SAMD5: variants seen among roughly 807,000 people sequenced by gnomAD.
SAMD5 encodes the protein sterile alpha motif domain containing 5.
Under a neutral mutation model 11.3 loss-of-function variants are expected in SAMD5, and 13 were observed. The ratio of observed to expected loss-of-function variants is 1.15; its 90% CI spans 0.75 to 1.83. The LOEUF is 1.83. Among genes scored for constraint, SAMD5 ranks in the 40% most tolerant of loss-of-function variants. The pLI, the probability that SAMD5 is intolerant of heterozygous loss-of-function variation, is 0.00. For missense variants in SAMD5, 255 were observed against 239.1 expected (o/e 1.07, Z -0.44); for synonymous variants, 129 against 111.3 (o/e 1.16, Z -1.00).
chr6:147,537,523 C>T (rs1238250132), intron 1 of SAMD5, among the ~76,000 whole-genome samples: 7 of 151,960 alleles, frequency 4.6e-5, no homozygotes, highest in Non-Finnish European at 8.8e-5. Context: ...GAGGCCGAGG[C>T]GGGCGGAACA....
chr6:147,728,936 G>A (rs1791668058), intron 1 of SAMD5, among the ~76,000 whole-genome samples: 1 of 152,184 alleles, frequency 6.6e-6, no homozygotes, highest in Admixed American at 6.5e-5. Flanking sequence ...AAATGATTGT[G>A]CAAGGCTGTA....
At chr6:147,899,890 T>C in the SAMD5 span, among the ~76,000 whole-genome samples, 1 of 152,158 alleles carries the variant, frequency 6.6e-6, no homozygotes, top group Non-Finnish European at 1.5e-5. Context: ...CTGGGCCCCT[T>C]CCCTGGTAGA....
chr6:147,872,683 A>G, the SAMD5 span, among the ~76,000 whole-genome samples: 1 of 152,158 alleles, frequency 6.6e-6, no homozygotes, highest in Non-Finnish European at 1.5e-5. Context: ...GTGCTCATGG[A>G]CTTGCCCACT....
chr6:147,740,998 T>C (rs1349796592), downstream of SAMD5, among the ~76,000 whole-genome samples: 1 of 152,192 alleles, frequency 6.6e-6, no homozygotes, highest in Non-Finnish European at 1.5e-5. Context: ...GTGTGCTGTT[T>C]AATTTTTAAA....
At chr6:147,862,260 G>A in the SAMD5 span, among the ~76,000 whole-genome samples, 1 of 152,078 alleles carries the variant, frequency 6.6e-6, no homozygotes, top group African/African-American at 2.4e-5. Flanking sequence ...TCGAGAGTAT[G>A]TTTCTAATGC....
chr6:147,819,901 T>C, the SAMD5 span, among the ~76,000 whole-genome samples: 5 of 152,144 alleles, frequency 3.3e-5, no homozygotes, highest in African/African-American at 1.2e-4. Context: ...ATAATTCCCA[T>C]AGTCGTGGTG....
the SAMD5 span, among the ~76,000 whole-genome samples, chr6:147,949,494 T>C: frequency 2.0e-5 from 3 of 152,244 alleles, no homozygotes; most frequent in African/African-American, 4.8e-5. Context: ...GAAAACACTT[T>C]ATTTGGGATA....
At chr6:147,531,337 T>A (rs1348094242) in intron 1 of SAMD5, among the ~76,000 whole-genome samples, 5 of 152,214 alleles carry the variant, frequency 3.3e-5, no homozygotes, top group African/African-American at 1.2e-4. Flanking sequence ...TTATGTAAAT[T>A]GTAGAACTGA....
At chr6:147,757,160 C>T in the SAMD5 span, among the ~76,000 whole-genome samples, 1 of 152,124 alleles carries the variant, frequency 6.6e-6, no homozygotes, top group South Asian at 2.1e-4. Context: ...ACAAGTTATT[C>T]AAGAAGAAAA....
rs370692962 is a variant in SAMD5 at position 147,533,410 on chromosome 6, C to T, written c.459+24023C>T. Among the ~76,000 whole-genome samples, 68 of 144,410 alleles carry T rather than the reference C, an allele frequency of 4.7e-4. 1 individual carries two copies. Among genetic ancestry groups the T allele is most frequent in the African/African-American group, 1.6e-3 (62 of 38,840 alleles). 94.7% of individuals were successfully genotyped at this position (144,410 alleles called of 152,430 possible). A position where few individuals can be genotyped will look rare whatever the true frequency, so the allele number is the denominator to read the frequency against. On this transcript the variant is annotated intron_variant, in intron 1 of 1. Transcript: ENST00000367474. ...CCGGGAGGTGGAGGTTGCTGTAAGC[C>T]GAGATCGCGCCATTGCACTCCAGCC...
chr6:147,712,858 G>A (rs1331909232), intron 1 of SAMD5, among the ~76,000 whole-genome samples: 4 of 151,150 alleles, frequency 2.6e-5, no homozygotes, highest in Non-Finnish European at 4.4e-5. Flanking sequence ...ATGATATTTT[G>A]TTATAGCAGA....
At chr6:147,748,138 A>G in the SAMD5 span, among the ~76,000 whole-genome samples, 1 of 152,358 alleles carries the variant, frequency 6.6e-6, no homozygotes, top group South Asian at 2.1e-4. Flanking sequence ...GTGTTCAAAA[A>G]TTGCAGATTT....
intron 1 of SAMD5, among the ~76,000 whole-genome samples, chr6:147,726,518 GGGCCCAGGCCCAGGCCCAGGTCCA>G (rs754570247): frequency 2.6e-5 from 4 of 152,086 alleles, no homozygotes; most frequent in South Asian, 2.1e-4. Flanking sequence ...GGCCTGCCTG[GGGCCCAGGCCCAGGCCCAGGTCCA>G]GGCCCAGGCC....
intron 1 of SAMD5, among the ~76,000 whole-genome samples, chr6:147,695,999 T>G (rs1791169723): frequency 2.0e-5 from 3 of 152,192 alleles, no homozygotes. Context: ...GTTTTCCTCA[T>G]GCCATGTCTT....
At chr6:147,563,739 C>T (rs1365206597) in intron 1 of SAMD5, among the ~76,000 whole-genome samples, 1 of 152,208 alleles carries the variant, frequency 6.6e-6, no homozygotes, top group African/African-American at 2.4e-5. Context: ...ACTTTGATGG[C>T]AAAGACCACA....
intron 1 of SAMD5, among the ~76,000 whole-genome samples, chr6:147,671,895 T>TG (rs1440387064): frequency 6.7e-6 from 1 of 148,422 alleles, no homozygotes; most frequent in Non-Finnish European, 1.5e-5. Context: ...CAGGATTTTT[T>TG]TTTTTTTTTT....
intron 1 of SAMD5, among the ~76,000 whole-genome samples, chr6:147,703,583 G>A (rs191246948): frequency 6.6e-6 from 1 of 152,188 alleles, no homozygotes; most frequent in Non-Finnish European, 1.5e-5. Flanking sequence ...TGACTTTGCT[G>A]TATTTGTTTT....
At position 147,693,861 on chromosome 6, in the gene SAMD5, C is replaced by T. The variant is rs966193421; in HGVS notation, c.163-43456C>T. Among the ~76,000 whole-genome samples the T allele has an allele frequency of 5.9e-5, 9 of 151,978 alleles. No homozygotes were observed. The East Asian group carries it at 9.7e-4, about 16-fold the overall frequency. On this transcript the variant is annotated intron_variant, in intron 1 of 1. Coordinates refer to the SAMD5 transcript ENST00000566741. ...GCGGGCATCTGTAATCCCAGCTACT[C>T]GGGAGGCTGAGGCAGGAGAATCGCT...
the SAMD5 span, among the ~76,000 whole-genome samples, chr6:147,787,394 T>TAATTTCTGAAATTGAAATAATTTGAGCTA: frequency 6.6e-6 from 1 of 152,234 alleles, no homozygotes; most frequent in Non-Finnish European, 1.5e-5. Flanking sequence ...TACTTTTTGA[T>TAATTTCTGAAATTGAAATAATTTGAGCTA]AATTTCTGAA....
Sources: allele counts gnomAD v4.1 joint callset (sites outside exome capture counted in the v4.1 genomes callset), GRCh38; gene constraint gnomAD v4.1.1; transcripts MANE v1.5; gene names NCBI Gene and HGNC (gene_info 2026-07-23, HGNC 2026-07-21).